CDIN1: variants seen among roughly 807,000 people sequenced by gnomAD.
CDIN1 encodes the protein CDAN1-interacting nuclease 1.
Under a neutral mutation model 45.3 loss-of-function variants are expected in CDIN1, and 33 were observed. That is an observed-to-expected ratio of 0.73 (90% CI 0.55 to 0.97). CDIN1 has a LOEUF of 0.97. CDIN1 is among the 50% of genes least tolerant of loss of function. The probability of loss-of-function intolerance (pLI) is 0.00; values close to 1 mark genes in which losing one functional copy is unlikely to be tolerated. For synonymous variants in CDIN1, 118 were observed against 124.4 expected, an observed-to-expected ratio of 0.95 and a Z score of 0.34; for missense variants, 303 against 339.4, an observed-to-expected ratio of 0.89 and a Z score of 0.84.
At position 36,598,008 on chromosome 15, in the gene CDIN1, T is replaced by G. The variant is rs139007424; in HGVS notation, c.101+18047T>G. On this transcript the variant is annotated intron_variant, in intron 1 of 10. Coordinates refer to ENST00000566621, the MANE Select transcript of CDIN1 (RefSeq NM_001321759.2). ...GTAAAACTTATTATGATTATTCTTT[T>G]GAGACCGGGTCTCACTCTGTTGCCC... Among the ~76,000 whole-genome samples, 389 of 152,320 alleles carry G rather than the reference T, an allele frequency of 2.6e-3. 3 individuals are homozygous for G. The highest frequency in any genetic ancestry group is 9.0e-3 in the African/African-American group (376 of 41,560).
intron 10 of CDIN1, among the ~76,000 whole-genome samples, chr15:36,765,031 A>G (rs941567039): frequency 2.7e-5 from 4 of 149,654 alleles, no homozygotes; most frequent in African/African-American, 9.8e-5. Flanking sequence ...CTTTGTGCTT[A>G]ATTTTCTTTT....
intron 5 of CDIN1, among the ~76,000 whole-genome samples, chr15:36,690,166 T>C (rs1241072798): frequency 6.6e-6 from 1 of 152,234 alleles, no homozygotes; most frequent in Non-Finnish European, 1.5e-5. Flanking sequence ...CAGTGGGCAG[T>C]AATTAAAATA....
chr15:36,635,070 G>T (rs141258865), intron 1 of CDIN1, among the ~76,000 whole-genome samples: 309 of 152,312 alleles, frequency 2.0e-3, no homozygotes, highest in African/African-American at 6.4e-3. Flanking sequence ...GCTTGCCAAA[G>T]ATGAGAACTC....
At chr15:36,608,032 C>G (rs2038464418) in intron 1 of CDIN1, among the ~76,000 whole-genome samples, 1 of 152,170 alleles carries the variant, frequency 6.6e-6, no homozygotes, top group Non-Finnish European at 1.5e-5. Flanking sequence ...TTTCTTATTG[C>G]TGAAAAATCC....
intron 1 of CDIN1, among the ~76,000 whole-genome samples, chr15:36,633,227 C>T (rs1039188871): frequency 1.5e-4 from 23 of 152,122 alleles, no homozygotes; most frequent in African/African-American, 5.1e-4. Flanking sequence ...TTTACTTTTA[C>T]ACAAATGACA....
intron 10 of CDIN1, among the ~76,000 whole-genome samples, chr15:36,762,078 C>G (rs2053781347): frequency 1.3e-5 from 2 of 152,068 alleles, no homozygotes; most frequent in Non-Finnish European, 2.9e-5. Context: ...CCTATCATAT[C>G]TAGAGAGTAA....
At chr15:36,725,239 C>G (rs528490946) in intron 10 of CDIN1, among the ~76,000 whole-genome samples, 1 of 151,936 alleles carries the variant, frequency 6.6e-6, no homozygotes, top group South Asian at 2.1e-4. Context: ...TCCTCAAACA[C>G]AAAGTGCTGC....
intron 1 of CDIN1, among the ~76,000 whole-genome samples, chr15:36,599,345 A>G (rs2037992133): frequency 6.6e-6 from 1 of 152,200 alleles, no homozygotes; most frequent in Admixed American, 6.5e-5. Context: ...ATATTTTAGT[A>G]TATGAAGCAA....
intron 8 of CDIN1, chr15:36,705,012 G>A (rs1476056412): frequency 1.3e-5 from 2 of 152,148 alleles, no homozygotes; most frequent in Admixed American, 6.6e-5. Flanking sequence ...AAGAAATTGT[G>A]TAATTAGTAC....
At chr15:36,648,049 C>G (rs8039409) in intron 3 of CDIN1, among the ~76,000 whole-genome samples, 4 of 152,048 alleles carry the variant, frequency 2.6e-5, no homozygotes, top group Admixed American at 6.5e-5. Context: ...CCGTGTTAGC[C>G]AGGATGGTCT....
intron 5 of CDIN1, among the ~76,000 whole-genome samples, chr15:36,687,125 T>G (rs2042088147): frequency 6.6e-6 from 1 of 151,750 alleles, no homozygotes; most frequent in Non-Finnish European, 1.5e-5. Flanking sequence ...AAAACTTAAT[T>G]AACTAGAAGG....
At chr15:36,795,755 T>G (rs1446751308) in intron 10 of CDIN1, among the ~76,000 whole-genome samples, 1 of 151,812 alleles carries the variant, frequency 6.6e-6, no homozygotes, top group African/African-American at 2.4e-5. Flanking sequence ...CAGGCTGGAA[T>G]GCAGTGGGGC....
chr15:36,662,017 A>G (rs182108759), intron 5 of CDIN1, among the ~76,000 whole-genome samples: 18 of 152,328 alleles, frequency 1.2e-4, no homozygotes, highest in African/African-American at 4.3e-4. Context: ...GACCATGTTT[A>G]CTGCTACTGA....
At position 36,747,820 on chromosome 15, in the gene CDIN1, A is replaced by T. The variant is rs185998757; in HGVS notation, c.716+37859A>T. Among the ~76,000 whole-genome samples the T allele has an allele frequency of 4.6e-5, 7 of 152,310 alleles. No homozygotes were observed. The East Asian group carries it at 1.3e-3, about 29-fold the overall frequency. ...CTAATAATTAGTGGCAGCCAATAAT[A>T]TTATCAGACCCCCGAGCCAACCACA... On this transcript the variant is annotated intron_variant, in intron 10 of 10. Transcript: ENST00000566621.
At chr15:36,736,093 A>G (rs2140924834) in intron 10 of CDIN1, among the ~76,000 whole-genome samples, 1 of 152,290 alleles carries the variant, frequency 6.6e-6, no homozygotes, top group South Asian at 2.1e-4. Context: ...CAGTTTCTAT[A>G]ACTGTCCCCA....
chr15:36,650,718 C>G (rs1313027594), intron 3 of CDIN1, among the ~76,000 whole-genome samples: 1 of 152,104 alleles, frequency 6.6e-6, no homozygotes, highest in African/African-American at 2.4e-5. Flanking sequence ...GCTGGGATTA[C>G]AGGTCTGAGC....
chr15:36,646,902 A>AG (rs1247216092), intron 3 of CDIN1, among the ~76,000 whole-genome samples: 3 of 152,172 alleles, frequency 2.0e-5, no homozygotes, highest in African/African-American at 7.2e-5. Flanking sequence ...CATGATTTTT[A>AG]GGATCACTAG....
chr15:36,800,416 G>C (rs1276233330), intron 10 of CDIN1, among the ~76,000 whole-genome samples: 1 of 152,096 alleles, frequency 6.6e-6, no homozygotes, highest in African/African-American at 2.4e-5. Flanking sequence ...AGAACTTTAT[G>C]ATGTTATATT....
intron 1 of CDIN1, among the ~76,000 whole-genome samples, chr15:36,634,533 G>A (rs1301404229): frequency 6.6e-6 from 1 of 152,060 alleles, no homozygotes. Context: ...TCTCTCATTG[G>A]ATAGTACTGA....
Sources: allele counts gnomAD v4.1 joint callset (sites outside exome capture counted in the v4.1 genomes callset), GRCh38; gene constraint gnomAD v4.1.1; transcripts MANE v1.5; gene names NCBI Gene and HGNC (gene_info 2026-07-23, HGNC 2026-07-21).